The following GIPR variants were observed in gnomAD, a reference collection of about 807,000 sequenced individuals.
GIPR encodes the protein GIP-R.
In GIPR, 74 loss-of-function variants were observed where a neutral mutation model predicts 62.2. That is an observed-to-expected ratio of 1.19 (90% CI 0.99 to 1.44). GIPR has a LOEUF of 1.44. Ranked by LOEUF, GIPR falls within the 40% of genes most tolerant of loss-of-function variation. The pLI is 0.00. For synonymous variants in GIPR, 256 were observed against 262.2 expected, an observed-to-expected ratio of 0.98 and a Z score of 0.23; for missense variants, 664 against 611.8, an observed-to-expected ratio of 1.09 and a Z score of -0.90.
rs1975840019 is a variant in GIPR at position 45,676,118 on chromosome 19, A to G, written c.634-831A>G. On this transcript the variant is annotated intron_variant, in intron 7 of 13. Transcript: ENST00000590918. ...CTCAGGAGGCTGAGGTAGGAGAATC[A>G]CTTGAACCTGGGAGGCAGAGATTGC... 2.0e-5 allele frequency among the ~76,000 whole-genome samples: 3 copies of G among 150,934 alleles called. No individual in the cohort carries two copies. The South Asian group carries it at 6.3e-4, about 31-fold the overall frequency.
rs1274769468 is a variant in GIPR, at chr19:45,674,772, G to GCTACCTCGACCTGGCCC, written c.586_602dup (p.Gly202AspfsTer27). 26 of 1,614,006 alleles carry GCTACCTCGACCTGGCCC rather than the reference G, an allele frequency of 1.6e-5. No homozygotes were observed. Among genetic ancestry groups the GCTACCTCGACCTGGCCC allele is most frequent in the Non-Finnish European group, 2.1e-5 (25 of 1,179,980 alleles). The stretch of plus-strand genomic sequence containing the variant: ...CGGCCATTCTCAGCCGAGACCGTCT[G>GCTACCTCGACCTGGCCC]CTACCTCGACCTGGCCCCTACCTTG... On this transcript the variant is annotated frameshift_variant, in exon 7 of 14. Coordinates refer to ENST00000590918, the MANE Select transcript of GIPR (RefSeq NM_000164.4). LOFTEE classifies it high-confidence loss of function.
intron 12 of GIPR, among the ~76,000 whole-genome samples, chr19:45,679,326 A>G (rs868078732): frequency 5.3e-5 from 8 of 152,188 alleles, no homozygotes; most frequent in Middle Eastern, 3.4e-3. Context: ...CTAAAAAAAT[A>G]GAAAAATTAG....
At chr19:45,672,051 GCT>G (rs545317887) in intron 4 of GIPR, among the ~76,000 whole-genome samples, 1 of 149,318 alleles carries the variant, frequency 6.7e-6, no homozygotes, top group South Asian at 2.1e-4. Flanking sequence ...ACAGAGTCTG[GCT>G]CTGTCACCCA....
rs889746208 is a variant in GIPR, at chr19:45,671,141, T to G, written c.173-144T>G. 12 of 684,688 alleles carry G rather than the reference T, an allele frequency of 1.8e-5. No homozygotes were observed. The African/African-American group carries it at 1.9e-4, about 11-fold the overall frequency. The allele number at this position is 684,688 out of a possible 1,614,324, so 42.4% of individuals were successfully genotyped here. ...GAGCCGGGACGGAACGCCCTCCGAG[T>G]GGGCGGGGCTAGAGCCGGGCTTGGT... On this transcript the variant is annotated intron_variant, in intron 3 of 13. Transcript: ENST00000590918.
chr19:45,670,856 G>A (rs957542553), intron 3 of GIPR, 122 bp downstream of exon 3: 24 of 653,756 alleles, frequency 3.7e-5, no homozygotes, highest in Non-Finnish European at 5.6e-5. Flanking sequence ...GAGAGGCCCG[G>A]GGACTGACCT....
intron 1 of GIPR, 143 bp from the exon 2 acceptor site, chr19:45,669,334 G>C: frequency 2.6e-6 from 2 of 755,028 alleles, no homozygotes; most frequent in South Asian, 3.3e-5. Context: ...CCTGGGAGTT[G>C]CGGGAGCGGG....
intron 7 of GIPR, among the ~76,000 whole-genome samples, chr19:45,676,426 A>ATTTTTTTTTTTT (rs869190523): frequency 2.7e-5 from 2 of 73,690 alleles, no homozygotes; most frequent in Non-Finnish European, 2.4e-5. Context: ...AAAGAAGCTG[A>ATTTTTTTTTTTT]TTTTTTTTTT....
rs756898220 is a variant in GIPR, at chr19:45,677,393, A to G, written c.854+10A>G. 4 of 850,544 alleles carry G rather than the reference A, an allele frequency of 4.7e-6. No homozygotes were observed. The highest frequency in any genetic ancestry group is 7.2e-6 in the Non-Finnish European group (4 of 552,580). The allele number at this position is 850,544 out of a possible 1,614,324, so 52.7% of individuals were successfully genotyped here. A position where few individuals can be genotyped will look rare whatever the true frequency, so the allele number is the denominator to read the frequency against. ...TGTACGAGAACACGCAGTGAGTTGC[A>G]GGGTCTGGGGCGGGGCGTGGGAGGT... On this transcript the variant is annotated intron_variant, in intron 9 of 13. Coordinates refer to ENST00000590918, the MANE Select transcript of GIPR (RefSeq NM_000164.4).
chr19:45,672,933 A>G lies in GIPR; in HGVS notation c.363A>G (p.Pro121=). 6.2e-7 allele frequency: 1 copy of G among 1,607,500 alleles called. No individual in the cohort carries two copies. The highest frequency in any genetic ancestry group is 1.1e-5 in the South Asian group (1 of 90,958). Residue 121 remains proline (P), a synonymous_variant, in exon 5 of 14, where the codon CCA becomes CCG. Coordinates refer to ENST00000590918, the MANE Select transcript of GIPR (RefSeq NM_000164.4). Reference sequence around the variant, plus strand: ...GAGACCATACACAATGTGAGAACCCAGAGAAGAATGAGGCCTTTCTGGTAA... The same window carrying G: ...GAGACCATACACAATGTGAGAACCCGGAGAAGAATGAGGCCTTTCTGGTAA... ...LWRDHTQCEN[P]EKNEAFLDQR... is the part of the protein sequence containing the mutation.
Position 45,674,683 on chromosome 19 carries a change from C to T in GIPR, c.490C>T (p.Arg164Trp), listed in dbSNP as rs373900520. 186 of 1,613,866 alleles carry T rather than the reference C, an allele frequency of 1.2e-4. No individual in the cohort carries two copies. Among genetic ancestry groups the T allele is most frequent in the Middle Eastern group, 1.6e-4 (1 of 6,062 alleles). The part of the protein sequence containing the change: ...LALLILSLFR[R>W]LHCTRNYIHI... ...ACACTGCCTTCCAAATTCCCCTAGG[C>T]GGCTACATTGCACTAGAAACTATAT... Residue 164 changes from arginine (R) to tryptophan (W), a missense_variant and splice_region_variant, in exon 7 of 14, where the codon CGG becomes TGG. Arg to Trp is a moderately radical substitution (Grantham distance 101, BLOSUM62 -3). Transcript: ENST00000590918.
chr19:45,671,007 C>T (rs1424568109), intron 3 of GIPR, among the ~76,000 whole-genome samples: 2 of 151,484 alleles, frequency 1.3e-5, no homozygotes, highest in African/African-American at 4.8e-5. Context: ...CTGGGAAGGG[C>T]CCTTCCGGGT....
In GIPR at chr19:45,678,375, T is replaced by G. The variant is rs1967068790; in HGVS notation, c.1152+149T>G. ...GTTCATTAATTAATTCATTCTTTTT[T>G]TTTTTTGAGACGGATTCTCGCCCTG... On this transcript the variant is annotated intron_variant, in intron 12 of 13. Transcript: ENST00000590918. The G allele has an allele frequency of 3.1e-6, 3 of 973,268 alleles. No homozygotes were observed. In the South Asian group the frequency reaches 4.3e-5, roughly 14 times the overall value. The allele number at this position is 973,268 out of a possible 1,614,324, so 60.3% of individuals were successfully genotyped here.
At position 45,682,015 on chromosome 19, in the gene GIPR, CT is replaced by C; in HGVS notation, c.*81del. On this transcript the variant is annotated 3_prime_UTR_variant, in exon 14 of 14. Transcript: ENST00000590918. ...CGTGCCAGGCCCAGTACGGAGGACGCTGGGGAAATGGTGAAGGAAACAGAAA... is the reference window on the plus strand; with the variant it reads ...CGTGCCAGGCCCAGTACGGAGGACGCGGGGAAATGGTGAAGGAAACAGAAA... The C allele has an allele frequency of 8.2e-7, 1 of 1,226,358 alleles. No homozygotes were observed. Among genetic ancestry groups the C allele is most frequent in the Non-Finnish European group, 1.2e-6 (1 of 853,666 alleles). The allele number at this position is 1,226,358 out of a possible 1,614,324, so 76.0% of individuals were successfully genotyped here.
chr19:45,681,482 C>T (rs991172243), intron 12 of GIPR, 122 bp from the exon 13 acceptor site: 20 of 883,568 alleles, frequency 2.3e-5, no homozygotes, highest in Non-Finnish European at 3.5e-5. Context: ...GCAACAAGAG[C>T]AATATTCCGA....
In GIPR at chr19:45,681,648, A is replaced by G. The variant is rs1455710046; in HGVS notation, c.1194+3A>G. 6.2e-7 allele frequency: 1 copy of G among 1,613,640 alleles called. No homozygotes were observed. ...TCTACTGCTTCATCAACAAGGAGGT[A>G]GGCAGAGACCCGGCCGCCGCCCCCG... On this transcript the variant is annotated splice_donor_region_variant and intron_variant, in intron 13 of 13. Coordinates refer to ENST00000590918, the MANE Select transcript of GIPR (RefSeq NM_000164.4).
intron 12 of GIPR, among the ~76,000 whole-genome samples, chr19:45,680,902 C>A (rs1410447688): frequency 2.7e-5 from 4 of 150,680 alleles, no homozygotes; most frequent in Non-Finnish European, 4.4e-5. Context: ...ATTTTCACAA[C>A]TACTACTATA....
At position 45,672,521 on chromosome 19, in the gene GIPR, G is replaced by A. The variant is rs187092086; in HGVS notation, c.281-330G>A. On this transcript the variant is annotated intron_variant, in intron 4 of 13. Coordinates refer to ENST00000590918, the MANE Select transcript of GIPR (RefSeq NM_000164.4). Reference sequence around the variant, plus strand: ...AGGGTTTCACCATGTTGGCCAGGATGGTCTCGATCTCTTGACCTTGTGATC... The same window carrying A: ...AGGGTTTCACCATGTTGGCCAGGATAGTCTCGATCTCTTGACCTTGTGATC... 8.3e-3 allele frequency: 2,892 copies of A among 350,188 alleles called. 28 individuals carry two copies. Among genetic ancestry groups the A allele is most frequent in the South Asian group, 0.019 (841 of 44,456 alleles). The allele number at this position is 350,188 out of a possible 1,614,324, so 21.7% of individuals were successfully genotyped here.
In GIPR at chr19:45,676,944, C is replaced by T; in HGVS notation, c.634-5C>T. 1 of 1,613,764 alleles carries T rather than the reference C, an allele frequency of 6.2e-7. No individual in the cohort carries two copies. The highest frequency in any genetic ancestry group is 2.2e-5 in the East Asian group (1 of 44,886). On this transcript the variant is annotated splice_polypyrimidine_tract_variant and splice_region_variant and intron_variant, in intron 7 of 13. Coordinates refer to ENST00000590918, the MANE Select transcript of GIPR (RefSeq NM_000164.4). ...TACCCCTCTACCGGTCTGGCCCCTC[C>T]CTAGGCCCTCGCTGCCTGCCGCACG...
chr19:45,669,952 GT>G (rs138572433), intron 2 of GIPR, among the ~76,000 whole-genome samples: 17,417 of 150,460 alleles, frequency 0.12, 1,271 homozygotes, highest in East Asian at 0.42. Context: ...CTGTCTCGGG[GT>G]GGGGGGGGGA....
Sources: allele counts gnomAD v4.1 joint callset (sites outside exome capture counted in the v4.1 genomes callset), GRCh38; gene constraint gnomAD v4.1.1; transcripts MANE v1.5; gene names NCBI Gene and HGNC (gene_info 2026-07-23, HGNC 2026-07-21).